Variants in DPP10 observed in about 807,000 individuals in gnomAD.
DPP10 encodes inactive dipeptidyl peptidase 10.
In DPP10, 33 loss-of-function variants were observed where a neutral mutation model predicts 120.9. That is an observed-to-expected ratio of 0.27 (90% CI 0.21 to 0.37). The LOEUF (loss-of-function observed/expected upper bound fraction) is 0.37. DPP10 is among the 10% of genes least tolerant of loss of function. The pLI, the probability that DPP10 is intolerant of heterozygous loss-of-function variation, is 1.00. For synonymous variants in DPP10, 337 were observed against 326.1 expected (o/e 1.03, Z -0.36); for missense variants, 816 against 942.8 (o/e 0.87, Z 1.76).
chr2:115,798,114 T>C (rs1684751922), intron 19 of DPP10, among the ~76,000 whole-genome samples: 1 of 151,984 alleles, frequency 6.6e-6, no homozygotes. Flanking sequence ...ATAGTTCCTA[T>C]TTAAAACTTA....
intron 3 of DPP10, among the ~76,000 whole-genome samples, chr2:115,364,243 C>T (rs114027393): frequency 6.6e-6 from 1 of 152,128 alleles, no homozygotes; most frequent in Non-Finnish European, 1.5e-5. Flanking sequence ...GCTGCCTTCA[C>T]TTTGGCAGGG....
At chr2:114,954,550 T>C (rs759723694) in intron 1 of DPP10, among the ~76,000 whole-genome samples, 81 of 151,164 alleles carry the variant, frequency 5.4e-4, no homozygotes, top group Non-Finnish European at 9.0e-4. Context: ...CTCTAGGAAC[T>C]GGAAAAAAAA....
At chr2:115,247,565 G>A (rs2058588973) in intron 1 of DPP10, among the ~76,000 whole-genome samples, 1 of 152,000 alleles carries the variant, frequency 6.6e-6, no homozygotes, top group African/African-American at 2.4e-5. Context: ...AATGTATTAG[G>A]GTGTGAACAT....
intron 1 of DPP10, among the ~76,000 whole-genome samples, chr2:115,196,463 A>G (rs1055176989): frequency 2.6e-5 from 4 of 152,196 alleles, no homozygotes; most frequent in African/African-American, 4.8e-5. Context: ...TAAAATTACT[A>G]TAAGACTATA....
At chr2:115,164,155 A>G (rs2052654020) in intron 1 of DPP10, among the ~76,000 whole-genome samples, 1 of 152,152 alleles carries the variant, frequency 6.6e-6, no homozygotes, top group African/African-American at 2.4e-5. Context: ...TTACAAAGAA[A>G]GTCAACTGAA....
intron 1 of DPP10, chr2:115,162,323 A>T (rs1284407293): frequency 6.8e-7 from 1 of 1,469,450 alleles, no homozygotes. Context: ...CCACCGAGGG[A>T]GGGAGAGGCG....
chr2:115,096,661 C>T (rs1354825897), intron 1 of DPP10, among the ~76,000 whole-genome samples: 2 of 152,128 alleles, frequency 1.3e-5, no homozygotes, highest in East Asian at 3.9e-4. Context: ...GAGAGAACCC[C>T]ATCATAAATC....
chr2:115,729,203 G>A (rs868615309), intron 8 of DPP10, among the ~76,000 whole-genome samples: 2 of 152,270 alleles, frequency 1.3e-5, no homozygotes, highest in Middle Eastern at 6.8e-3. Context: ...GGAGGGGACT[G>A]GGATGGCCCT....
chr2:114,779,150 G>GTA (rs1357710178), intron 1 of DPP10, among the ~76,000 whole-genome samples: 6 of 151,960 alleles, frequency 3.9e-5, no homozygotes, highest in African/African-American at 1.4e-4. Flanking sequence ...TCTCATCAGT[G>GTA]TATACCCCTG....
intron 3 of DPP10, among the ~76,000 whole-genome samples, chr2:115,355,013 G>A (rs895952260): frequency 8.5e-5 from 13 of 152,200 alleles, no homozygotes; most frequent in South Asian, 6.2e-4. Context: ...ATAAACATAC[G>A]CTTGCATGTG....
intron 3 of DPP10, among the ~76,000 whole-genome samples, chr2:115,384,639 G>T (rs987977825): frequency 2.8e-5 from 4 of 140,444 alleles, no homozygotes; most frequent in Non-Finnish European, 4.7e-5. Context: ...GAAGAAGAAA[G>T]AAGGAAGAAG....
At chr2:114,907,883 A>C (rs936158862) in intron 1 of DPP10, among the ~76,000 whole-genome samples, 7 of 151,962 alleles carry the variant, frequency 4.6e-5, no homozygotes, top group Non-Finnish European at 8.8e-5. Context: ...TAGTTGTTCT[A>C]CTTATTATTG....
At chr2:115,537,130 C>A (rs1192859444) in intron 5 of DPP10, among the ~76,000 whole-genome samples, 1 of 152,056 alleles carries the variant, frequency 6.6e-6, no homozygotes, top group Non-Finnish European at 1.5e-5. Flanking sequence ...TTCCAACCTT[C>A]TTCTTTAGCT....
intron 4 of DPP10, among the ~76,000 whole-genome samples, chr2:115,524,429 G>T (rs955131448): frequency 6.6e-6 from 1 of 152,104 alleles, no homozygotes; most frequent in Admixed American, 6.6e-5. Flanking sequence ...GATGTCTGAA[G>T]GGGTCCCCAG....
intron 5 of DPP10, among the ~76,000 whole-genome samples, chr2:115,590,158 T>G (rs1288640582): frequency 5.7e-5 from 3 of 52,372 alleles, no homozygotes; most frequent in Non-Finnish European, 9.4e-5. Flanking sequence ...TTCTTTATTA[T>G]TATTATTATT....
intron 3 of DPP10, among the ~76,000 whole-genome samples, chr2:115,437,844 C>T (rs527609913): frequency 6.6e-6 from 1 of 152,052 alleles, no homozygotes; most frequent in Non-Finnish European, 1.5e-5. Flanking sequence ...AATGATACAA[C>T]GTTTTGTTGT....
At position 114,767,291 on chromosome 2, in the gene DPP10, A is replaced by AAT. The variant is rs574719381; in HGVS notation, c.60+324465_60+324466dup. Among the ~76,000 whole-genome samples, 202 of 146,738 alleles carry AAT rather than the reference A, an allele frequency of 1.4e-3. 3 individuals are homozygous for AAT. The South Asian group carries it at 0.02, about 15-fold the overall frequency. On this transcript the variant is annotated intron_variant, in intron 1 of 25. Transcript: ENST00000410059. ...GAAATAGCCAAAAATAAAGATATATAATATATATATATAAATATATAATAT... is the reference window on the plus strand; with the variant it reads ...GAAATAGCCAAAAATAAAGATATATAATATATATATATATAAATATATAATAT...
At chr2:115,202,637 A>G (rs973672963) in intron 1 of DPP10, among the ~76,000 whole-genome samples, 6 of 152,138 alleles carry the variant, frequency 3.9e-5, no homozygotes, top group African/African-American at 7.2e-5. Context: ...ATATTTCTCT[A>G]TGTAATGGGG....
intron 7 of DPP10, among the ~76,000 whole-genome samples, chr2:115,710,814 G>A (rs1296128242): frequency 6.6e-6 from 1 of 151,998 alleles, no homozygotes; most frequent in Non-Finnish European, 1.5e-5. Flanking sequence ...TATTTATTAA[G>A]TAATCCTGTT....
Sources: gnomAD v4.1 joint callset for allele counts (sites outside exome capture counted in the v4.1 genomes callset) on GRCh38, gnomAD v4.1.1 for gene constraint, MANE v1.5 for transcripts, NCBI Gene and HGNC (gene_info 2026-07-23, HGNC 2026-07-21) for gene names.